Variants in NBEA observed in about 807,000 individuals in gnomAD.
NBEA encodes the protein lysosomal-trafficking regulator 2.
NBEA carries 44 observed loss-of-function variants against 343.4 expected under a neutral mutation model. That is an observed-to-expected ratio of 0.13 (90% CI 0.10 to 0.16). The LOEUF is 0.16. Among genes scored for constraint, NBEA ranks in the 10% least tolerant of loss-of-function variants. The probability of loss-of-function intolerance (pLI) is 1.00; values close to 1 mark genes in which losing one functional copy is unlikely to be tolerated. For synonymous variants in NBEA, 1,175 were observed against 1,238.7 expected, an observed-to-expected ratio of 0.95 and a Z score of 1.08; for missense variants, 2,555 against 3,631.3, an observed-to-expected ratio of 0.70 and a Z score of 7.62.
chr13:35,100,629 C>T (rs926541871), intron 11 of NBEA, among the ~76,000 whole-genome samples: 2 of 151,824 alleles, frequency 1.3e-5, no homozygotes, highest in African/African-American at 4.8e-5. Context: ...TATTCTTTTA[C>T]TTAAAACTTA....
chr13:35,015,507 CA>C (rs1288877435), intron 1 of NBEA, among the ~76,000 whole-genome samples: 3 of 151,798 alleles, frequency 2.0e-5, no homozygotes, highest in African/African-American at 7.3e-5. Flanking sequence ...AACTACTTTC[CA>C]TTTTTTTTTA....
intron 1 of NBEA, among the ~76,000 whole-genome samples, chr13:35,008,203 A>G (rs1160119761): frequency 1.3e-5 from 2 of 152,170 alleles, no homozygotes; most frequent in Non-Finnish European, 2.9e-5. Context: ...CACAATAGCT[A>G]TAGTTCACCA....
At chr13:35,129,630 A>G (rs1454345135) in intron 17 of NBEA, among the ~76,000 whole-genome samples, 1 of 152,118 alleles carries the variant, frequency 6.6e-6, no homozygotes, top group Non-Finnish European at 1.5e-5. Flanking sequence ...GAGGGGGAAA[A>G]AAGGAAAGGT....
chr13:35,543,191 A>C (rs2078912154), intron 41 of NBEA, among the ~76,000 whole-genome samples: 1 of 152,222 alleles, frequency 6.6e-6, no homozygotes, highest in South Asian at 2.1e-4. Flanking sequence ...ATTATATTAG[A>C]AATTCATCTC....
chr13:35,111,662 G>GT (rs2066214174), intron 13 of NBEA, among the ~76,000 whole-genome samples: 1 of 151,592 alleles, frequency 6.6e-6, no homozygotes, highest in Non-Finnish European at 1.5e-5. Context: ...CATTTACATC[G>GT]TTTCTAAAGT....
chr13:35,593,345 C>T lies in NBEA; in HGVS notation c.7194C>T (p.Phe2398=), dbSNP rs1374302639. The part of the protein sequence containing the change: ...WLVRIEPFTT[F]FLNANDGKFD... ...TTGCTTAGGAACCTTTCACAACCTTCTTCCTCAATGCAAATGATGGAAAAT... is the reference window on the plus strand; with the variant it reads ...TTGCTTAGGAACCTTTCACAACCTTTTTCCTCAATGCAAATGATGGAAAAT... Residue 2398 remains phenylalanine (F), a synonymous_variant, in exon 47 of 59, where the codon TTC becomes TTT. Coordinates refer to ENST00000379939, the MANE Select transcript of NBEA (RefSeq NM_001385012.1). The T allele has an allele frequency of 6.2e-7, 1 of 1,612,638 alleles. No individual in the cohort carries two copies. The highest frequency in any genetic ancestry group is 2.2e-5 in the East Asian group (1 of 44,850).
chr13:34,992,262 A>ATTTT (rs1261240105), intron 1 of NBEA, among the ~76,000 whole-genome samples: 2 of 114,360 alleles, frequency 1.7e-5, no homozygotes, highest in Non-Finnish European at 3.5e-5. Flanking sequence ...ATATATATAT[A>ATTTT]TTTTTTTTTT....
chr13:35,402,098 T>C (rs1192484389), intron 38 of NBEA, among the ~76,000 whole-genome samples: 1 of 152,024 alleles, frequency 6.6e-6, no homozygotes, highest in Non-Finnish European at 1.5e-5. Context: ...GGAAATAGTT[T>C]AAAACCACTT....
intron 1 of NBEA, among the ~76,000 whole-genome samples, chr13:34,965,348 C>A (rs962319268): frequency 1.3e-5 from 2 of 152,026 alleles, no homozygotes; most frequent in Non-Finnish European, 2.9e-5. Flanking sequence ...CCTGGCTCTT[C>A]CCTTTCTTTG....
intron 1 of NBEA, among the ~76,000 whole-genome samples, chr13:34,963,511 A>T (rs981442463): frequency 6.6e-6 from 1 of 152,046 alleles, no homozygotes; most frequent in African/African-American, 2.4e-5. Flanking sequence ...TTGGGGGGAT[A>T]CAGTGCAGCC....
chr13:35,353,656 C>G (rs542583109), intron 38 of NBEA, among the ~76,000 whole-genome samples: 1 of 151,944 alleles, frequency 6.6e-6, no homozygotes, highest in Admixed American at 6.6e-5. Context: ...TTGTTGTGTG[C>G]GAGGGACCAT....
chr13:35,124,045 T>A (rs138439767), intron 17 of NBEA, among the ~76,000 whole-genome samples: 24 of 152,168 alleles, frequency 1.6e-4, no homozygotes, highest in African/African-American at 5.5e-4. Context: ...CTCATTTCTT[T>A]CCCCAAATCA....
At chr13:35,517,608 T>C (rs1418333536) in intron 41 of NBEA, among the ~76,000 whole-genome samples, 1 of 152,178 alleles carries the variant, frequency 6.6e-6, no homozygotes, top group Non-Finnish European at 1.5e-5. Flanking sequence ...ATCTCCCATC[T>C]CCATCTTTGG....
At chr13:35,553,078 G>T (rs2079413922) in intron 43 of NBEA, among the ~76,000 whole-genome samples, 1 of 151,888 alleles carries the variant, frequency 6.6e-6, no homozygotes, top group Non-Finnish European at 1.5e-5. Flanking sequence ...TGTTTATAGA[G>T]ATGGGGTTTC....
intron 38 of NBEA, among the ~76,000 whole-genome samples, chr13:35,426,042 T>G (rs1161529048): frequency 1.3e-5 from 2 of 152,232 alleles, no homozygotes; most frequent in Non-Finnish European, 2.9e-5. Context: ...TATGTGTGTC[T>G]CTGCACATGA....
intron 1 of NBEA, among the ~76,000 whole-genome samples, chr13:35,038,262 C>A (rs2062523008): frequency 6.6e-6 from 1 of 151,810 alleles, no homozygotes; most frequent in African/African-American, 2.4e-5. Context: ...ACCATCAGGG[C>A]AGTAGGTTCC....
intron 39 of NBEA, among the ~76,000 whole-genome samples, chr13:35,437,887 C>G (rs992609607): frequency 6.6e-6 from 1 of 152,112 alleles, no homozygotes; most frequent in African/African-American, 2.4e-5. Context: ...GCATTTCTAG[C>G]ATGTCAATAT....
chr13:35,591,382 A>G (rs897223681), intron 46 of NBEA, among the ~76,000 whole-genome samples: 2 of 152,118 alleles, frequency 1.3e-5, no homozygotes, highest in African/African-American at 2.4e-5. Flanking sequence ...TGAATTAAAC[A>G]TCTAAAAAGC....
chr13:35,290,479 T>C, intron 35 of NBEA, 29 bp downstream of exon 35: 1 of 1,537,640 alleles, frequency 6.5e-7, no homozygotes, highest in Non-Finnish European at 9.0e-7. Context: ...TCAGTTACAT[T>C]AATATATGAG....
Sources: allele counts gnomAD v4.1 joint callset (sites outside exome capture counted in the v4.1 genomes callset), GRCh38; gene constraint gnomAD v4.1.1; transcripts MANE v1.5; gene names NCBI Gene and HGNC (gene_info 2026-07-23, HGNC 2026-07-21).